Variants in MYEF2 observed in about 807,000 individuals in gnomAD.
The protein encoded by MYEF2 is myelin gene expression factor 2.
A neutral mutation model predicts 75.2 loss-of-function variants in MYEF2; 37 were observed. The ratio of observed to expected loss-of-function variants is 0.49; its 90% confidence interval spans 0.38 to 0.65. The LOEUF (loss-of-function observed/expected upper bound fraction) is 0.65, where lower values mean the gene tolerates loss of function less well. Among genes scored for constraint, MYEF2 ranks in the 30% least tolerant of loss-of-function variants. The pLI is 0.00. For missense variants in MYEF2, 634 were observed against 771.4 expected (o/e 0.82, Z 2.11); for synonymous variants, 195 against 241.6 (o/e 0.81, Z 1.79).
At chr15:48,166,291 C>T (rs1290234273) in intron 3 of MYEF2, among the ~76,000 whole-genome samples, 163 bp from the exon 4 acceptor site, 1 of 151,850 alleles carries the variant, frequency 6.6e-6, no homozygotes, top group East Asian at 1.9e-4. Context: ...CAAGTAACCA[C>T]AAATTTTCTC....
At position 48,178,175 on chromosome 15, in the gene MYEF2, C is replaced by A. The variant is rs2140961248; in HGVS notation, c.63G>T (p.Gln21His). ...GATGGDSPHL[Q>H]PAEPPGEPRR... is the part of the protein sequence containing the mutation. ...GCGGCTCGCCCGGCGGCTCTGCGGG[C>A]TGCAGGTGCGGGCTGTCGCCACCAG... Residue 21 changes from glutamine to histidine, a missense_variant, in exon 1 of 17, where the codon CAG becomes CAT. Gln to His is a conservative substitution (Grantham distance 24). Transcript: ENST00000324324. The A allele has an allele frequency of 1.9e-6, 3 of 1,545,052 alleles. No individual in the cohort carries two copies. Among genetic ancestry groups the A allele is most frequent in the East Asian group, 5.0e-5 (2 of 39,836 alleles).
intron 16 of MYEF2, among the ~76,000 whole-genome samples, chr15:48,144,246 T>C (rs531963638): frequency 6.6e-6 from 1 of 152,094 alleles, no homozygotes; most frequent in African/African-American, 2.4e-5. Flanking sequence ...GATGATAAGA[T>C]CAAACTTTAA....
At position 48,168,691 on chromosome 15, in the gene MYEF2, T is replaced by C. The variant is rs779321086; in HGVS notation, c.310A>G (p.Ile104Val). 5.0e-6 allele frequency: 8 copies of C among 1,614,008 alleles called. No homozygotes were observed. ...KKGPNRNRVF[I>V]SNIPYDMKWQ... The stretch of plus-strand genomic sequence containing the variant: ...TTCATGTCATATGGGATGTTGCTAA[T>C]GAAAACTCTGTTACGATTTGGACCC... Residue 104 changes from isoleucine to valine, a missense_variant, in exon 2 of 17, where the codon ATT becomes GTT. Ile to Val is a conservative substitution (Grantham distance 29). Coordinates refer to ENST00000324324, the MANE Select transcript of MYEF2 (RefSeq NM_016132.5).
chr15:48,168,659 T>C lies in MYEF2; in HGVS notation c.342A>G (p.Gln114=). The change falls in exon 2 of 17, where the codon CAA becomes CAG. Residue 114 remains glutamine (Q), a synonymous_variant. Coordinates refer to ENST00000324324, the MANE Select transcript of MYEF2 (RefSeq NM_016132.5). ...TCTCTCTCATTAGATCTTTAATAGCTTGCCATTTCATGTCATATGGGATGT... is the reference window on the plus strand; with the variant it reads ...TCTCTCTCATTAGATCTTTAATAGCCTGCCATTTCATGTCATATGGGATGT... ...ISNIPYDMKW[Q]AIKDLMREKV... The C allele has an allele frequency of 4.3e-6, 7 of 1,613,842 alleles. No homozygotes were observed. Among genetic ancestry groups the C allele is most frequent in the Non-Finnish European group, 5.9e-6 (7 of 1,179,802 alleles).
rs1487924506 is a variant in MYEF2, at chr15:48,137,058, TAAA to T, written c.*5847_*5849del. 7 of 1,315,832 alleles carry T rather than the reference TAAA, an allele frequency of 5.3e-6. No individual in the cohort carries two copies. The highest frequency in any genetic ancestry group is 7.2e-6 in the Non-Finnish European group (7 of 970,410). The allele number at this position is 1,315,832 out of a possible 1,614,324, so 81.5% of individuals were successfully genotyped here. On this transcript the variant is annotated 3_prime_UTR_variant, in exon 17 of 17. Transcript: ENST00000324324. ...CAGCAAGTATTGTGTGCTTTTTATG[TAAA>T]AAAGACTGTGAAGACTCAGAAATGA...
At chr15:48,156,365 G>A (rs1193097239) in intron 9 of MYEF2, among the ~76,000 whole-genome samples, 1 of 151,224 alleles carries the variant, frequency 6.6e-6, no homozygotes, top group African/African-American at 2.4e-5. Flanking sequence ...AATTAACCAA[G>A]AAAAAAATAA....
At position 48,149,235 on chromosome 15, in the gene MYEF2, A is replaced by T. The variant is rs776947596; in HGVS notation, c.1515T>A (p.Phe505Leu). Reference sequence around the variant, plus strand: ...TTCCGCTTCCCATTGGACCCGATAAAAATCCTCGATCCATATCGATGCTCC... The same window carrying T: ...TTCCGCTTCCCATTGGACCCGATAATAATCCTCGATCCATATCGATGCTCC... ...LERSIDMDRG[F>L]LSGPMGSGMR... Residue 505 changes from phenylalanine (F) to leucine (L), a missense_variant, in exon 15 of 17, where the codon TTT (phenylalanine) becomes TTA (leucine). By Grantham distance (22) the Phe-to-Leu change is conservative. Coordinates refer to ENST00000324324, the MANE Select transcript of MYEF2 (RefSeq NM_016132.5). The surrounding 1 kb of genome is among the most constrained non-coding windows in gnomAD (Gnocchi z 4.0). 6.2e-7 allele frequency: 1 copy of T among 1,613,430 alleles called. No individual in the cohort carries two copies. Among genetic ancestry groups the T allele is most frequent in the South Asian group, 1.1e-5 (1 of 91,068 alleles).
intron 14 of MYEF2, among the ~76,000 whole-genome samples, chr15:48,150,863 T>C (rs1597302821): frequency 1.3e-5 from 2 of 152,070 alleles, no homozygotes; most frequent in East Asian, 1.9e-4. Flanking sequence ...GTTCCTGGAT[T>C]GGCTGTTAAC....
chr15:48,151,796 C>G, intron 12 of MYEF2, 78 bp downstream of exon 12: 1 of 1,516,610 alleles, frequency 6.6e-7, no homozygotes, highest in Non-Finnish European at 9.2e-7. Flanking sequence ...AGCACACATT[C>G]CTAAGTTATA....
intron 10 of MYEF2, 68 bp from the exon 11 acceptor site, chr15:48,152,352 C>T (rs1342351590): frequency 1.2e-5 from 16 of 1,330,522 alleles, no homozygotes; most frequent in Non-Finnish European, 1.7e-5. Flanking sequence ...TGATATAATG[C>T]ATTATAGCAA....
intron 16 of MYEF2, among the ~76,000 whole-genome samples, chr15:48,148,642 C>A (rs1272904983): frequency 1.3e-5 from 2 of 151,856 alleles, no homozygotes; most frequent in African/African-American, 4.8e-5. Flanking sequence ...TAATCCCCTG[C>A]ACTATACTAT....
At chr15:48,170,749 C>A (rs1387611118) in intron 1 of MYEF2, among the ~76,000 whole-genome samples, 5 of 152,134 alleles carry the variant, frequency 3.3e-5, no homozygotes, top group African/African-American at 1.2e-4. Context: ...GTAACACAGC[C>A]ATAAATATAG....
rs1418117933 is a variant in MYEF2, at chr15:48,141,223, T to C, written c.*1685A>G. On this transcript the variant is annotated 3_prime_UTR_variant, in exon 17 of 17. Coordinates refer to ENST00000324324, the MANE Select transcript of MYEF2 (RefSeq NM_016132.5). Reference sequence around the variant, plus strand: ...GTTGGTTGCAAGAAAAGGTAAGAACTAGGTCCCTCAAGCTGCAATGGTCAT... The same window carrying C: ...GTTGGTTGCAAGAAAAGGTAAGAACCAGGTCCCTCAAGCTGCAATGGTCAT... 6.3e-7 allele frequency: 1 copy of C among 1,594,274 alleles called. No individual in the cohort carries two copies. Among genetic ancestry groups the C allele is most frequent in the African/African-American group, 1.3e-5 (1 of 74,480 alleles).
intron 9 of MYEF2, among the ~76,000 whole-genome samples, chr15:48,155,815 C>T (rs2039674646): frequency 6.7e-6 from 1 of 150,332 alleles, no homozygotes; most frequent in African/African-American, 2.5e-5. Context: ...CCCTCTGTCA[C>T]CCAGGCTGGA....
At position 48,159,646 on chromosome 15, in the gene MYEF2, G is replaced by A. The variant is rs768360973; in HGVS notation, c.684C>T (p.Ala228=). 25 of 1,612,442 alleles carry A rather than the reference G, an allele frequency of 1.6e-5. No homozygotes were observed. The highest frequency in any genetic ancestry group is 2.2e-5 in the East Asian group (1 of 44,852). The change falls in exon 6 of 17, where the codon GCC becomes GCT. Residue 228 remains alanine (A), a synonymous_variant. Transcript: ENST00000324324. ...IPPEVISNLQ[A]GRLGSTIFVA... ...CAAAAATTGTGGAACCAAGTCTACC[G>A]GCCTGCAAATTACTGATGACTTCAG...
In MYEF2 at chr15:48,142,318, T is replaced by G. The variant is rs917204987; in HGVS notation, c.*590A>C. ...CAGTTCTATATGAACTTGGAATTAT[T>G]GGAAATAATAAAATAAGGGGCTGTG... On this transcript the variant is annotated 3_prime_UTR_variant, in exon 17 of 17. Transcript: ENST00000324324. The G allele has an allele frequency of 5.6e-6, 9 of 1,608,566 alleles. No homozygotes were observed. Among genetic ancestry groups the G allele is most frequent in the Admixed American group, 1.7e-5 (1 of 59,276 alleles).
In MYEF2 at chr15:48,178,142, C is replaced by T; in HGVS notation, c.96G>A (p.Glu32=). Residue 32 remains glutamate, a synonymous_variant, in exon 1 of 17, where the codon GAG becomes GAA. Transcript: ENST00000324324. ...PAEPPGEPRR[E]PHPAEAEKQQ... ...GCTTCTCCGCCTCCGCGGGGTGCGG[C>T]TCTCGCCGCGGCTCGCCCGGCGGCT... is the stretch of plus-strand genomic sequence containing the variant. The T allele has an allele frequency of 1.9e-6, 3 of 1,578,210 alleles. No homozygotes were observed. The highest frequency in any genetic ancestry group is 2.4e-5 in the East Asian group (1 of 42,214).
At chr15:48,148,737 TTAAAATGAGGTAA>T (rs1395682005) in intron 16 of MYEF2, among the ~76,000 whole-genome samples, 1 of 152,072 alleles carries the variant, frequency 6.6e-6, no homozygotes, top group African/African-American at 2.4e-5. Flanking sequence ...ATTTATCTTT[TTAAAATGAGGTAA>T]TAAAATAAGC....
chr15:48,146,632 G>C (rs1039682789), intron 16 of MYEF2, among the ~76,000 whole-genome samples: 2 of 151,948 alleles, frequency 1.3e-5, no homozygotes, highest in Non-Finnish European at 1.5e-5. Flanking sequence ...GACAGATATT[G>C]TTTATGGGAG....
Sources: gnomAD v4.1 joint callset for allele counts (sites outside exome capture counted in the v4.1 genomes callset) on GRCh38, gnomAD v4.1.1 for gene constraint, Gnocchi (gnomAD v3.1) non-coding constraint, MANE v1.5 for transcripts, NCBI Gene and HGNC (gene_info 2026-07-23, HGNC 2026-07-21) for gene names.